The following CELF4 variants were observed in gnomAD, a reference collection of about 807,000 sequenced individuals.
CELF4 encodes CUGBP Elav-like family member 4.
In CELF4, 18 loss-of-function variants were observed where a neutral mutation model predicts 59.9. The observed-to-expected ratio is 0.30, with a 90% CI of 0.21 to 0.45. The LOEUF is 0.45. Among genes scored for constraint, CELF4 ranks in the 20% least tolerant of loss-of-function variants. The pLI, the probability that CELF4 is intolerant of heterozygous loss-of-function variation, is 1.00. For synonymous variants in CELF4, 261 were observed against 267.1 expected (o/e 0.98, Z 0.22); for missense variants, 456 against 689.0 (o/e 0.66, Z 3.79).
chr18:37,549,759 T>A (rs1157498507), intron 1 of CELF4, among the ~76,000 whole-genome samples: 1 of 152,222 alleles, frequency 6.6e-6, no homozygotes. Flanking sequence ...TATGATACAG[T>A]GCACAAGATG....
In CELF4 at chr18:37,379,328, T is replaced by C. The variant is rs1371386843; in HGVS notation, c.370-57447A>G. ...TGCTAGTGTGGAAGCTCAGGTGGGC[T>C]GCCATCCTAAAAGGGATTGGGAGTA... On this transcript the variant is annotated intron_variant, in intron 2 of 12. Coordinates refer to ENST00000420428, the MANE Select transcript of CELF4 (RefSeq NM_020180.4). 2.6e-5 allele frequency among the ~76,000 whole-genome samples: 4 copies of C among 152,054 alleles called. No homozygotes were observed. The East Asian group carries it at 7.8e-4, about 30-fold the overall frequency.
chr18:37,324,736 A>G (rs1436483314), intron 2 of CELF4, among the ~76,000 whole-genome samples: 1 of 152,160 alleles, frequency 6.6e-6, no homozygotes, highest in Non-Finnish European at 1.5e-5. Flanking sequence ...GGCCTCCCCA[A>G]GGATCCATAA....
intron 3 of CELF4, among the ~76,000 whole-genome samples, chr18:37,303,880 T>C (rs1472769247): frequency 6.6e-6 from 1 of 152,176 alleles, no homozygotes; most frequent in African/African-American, 2.4e-5. Flanking sequence ...GTGGCCCTCC[T>C]GGCCGTAGGC....
intron 2 of CELF4, among the ~76,000 whole-genome samples, chr18:37,443,856 C>T (rs561274200): frequency 4.6e-5 from 7 of 152,264 alleles, no homozygotes; most frequent in East Asian, 1.9e-4. Context: ...CTCTGCCCAG[C>T]GAGATGTCAA....
chr18:37,489,750 C>A (rs1292709800), intron 1 of CELF4, among the ~76,000 whole-genome samples: 1 of 152,212 alleles, frequency 6.6e-6, no homozygotes, highest in African/African-American at 2.4e-5. Context: ...ACGGGATTCT[C>A]TCAAGGAGCA....
At chr18:37,370,681 G>C (rs1351945170) in intron 2 of CELF4, among the ~76,000 whole-genome samples, 4 of 152,008 alleles carry the variant, frequency 2.6e-5, no homozygotes, top group Non-Finnish European at 4.4e-5. Context: ...TTGTCTTTTC[G>C]AGCCCCAGAA....
At chr18:37,343,812 A>G (rs578049543) in intron 2 of CELF4, among the ~76,000 whole-genome samples, 186 of 152,212 alleles carry the variant, frequency 1.2e-3, no homozygotes, top group African/African-American at 4.1e-3. Flanking sequence ...GTGCTGCAGC[A>G]GACCCCATCC....
intron 1 of CELF4, among the ~76,000 whole-genome samples, chr18:37,511,592 A>T (rs967376921): frequency 6.6e-6 from 1 of 151,678 alleles, no homozygotes; most frequent in African/African-American, 2.4e-5. Flanking sequence ...CCCAGATGTG[A>T]ATCTCCTCCT....
chr18:37,262,905 G>A (rs144844466), intron 10 of CELF4, among the ~76,000 whole-genome samples: 351 of 152,284 alleles, frequency 2.3e-3, no homozygotes, highest in Middle Eastern at 3.4e-3. Flanking sequence ...CGTGAGGCAG[G>A]GTATGGGCTG....
intron 2 of CELF4, among the ~76,000 whole-genome samples, chr18:37,481,184 T>C (rs2099866058): frequency 6.6e-6 from 1 of 152,040 alleles, no homozygotes; most frequent in Non-Finnish European, 1.5e-5. Flanking sequence ...TCTAGGATTG[T>C]TGGAATGAGG....
chr18:37,309,272 G>C (rs556228423), intron 3 of CELF4, among the ~76,000 whole-genome samples: 1 of 152,318 alleles, frequency 6.6e-6, no homozygotes, highest in East Asian at 1.9e-4. Context: ...AGGTGCAAAG[G>C]CTGATTACTA....
At chr18:37,329,323 T>G (rs2097446378) in intron 2 of CELF4, among the ~76,000 whole-genome samples, 1 of 152,218 alleles carries the variant, frequency 6.6e-6, no homozygotes, top group Non-Finnish European at 1.5e-5. Context: ...GCCTGAGGAC[T>G]GCCGGGGTCC....
At chr18:37,538,529 C>T (rs1488565086) in intron 1 of CELF4, among the ~76,000 whole-genome samples, 1 of 152,194 alleles carries the variant, frequency 6.6e-6, no homozygotes, top group Non-Finnish European at 1.5e-5. Flanking sequence ...ACCCACAACG[C>T]TGTCTTTACC....
intron 3 of CELF4, among the ~76,000 whole-genome samples, chr18:37,282,706 GAC>G (rs1225552251): frequency 6.6e-6 from 1 of 152,166 alleles, no homozygotes; most frequent in East Asian, 1.9e-4. Flanking sequence ...GGTCGGCGCA[GAC>G]AGTTTCCAGC....
intron 10 of CELF4, among the ~76,000 whole-genome samples, chr18:37,261,233 C>T (rs1269528483): frequency 2.0e-5 from 3 of 150,226 alleles, no homozygotes; most frequent in Non-Finnish European, 4.4e-5. Flanking sequence ...GCCCAGCCCC[C>T]TCCAGCCCCC....
chr18:37,425,202 C>A (rs1171578897), intron 2 of CELF4, among the ~76,000 whole-genome samples: 1 of 152,238 alleles, frequency 6.6e-6, no homozygotes, highest in East Asian at 1.9e-4. Context: ...GGTGCTCGGC[C>A]ATGACTGGAC....
At chr18:37,384,240 T>C (rs1246499990) in intron 2 of CELF4, among the ~76,000 whole-genome samples, 1 of 152,208 alleles carries the variant, frequency 6.6e-6, no homozygotes, top group Non-Finnish European at 1.5e-5. Context: ...ACTCTGTCCT[T>C]CCTGAGCTGC....
chr18:37,448,731 A>G (rs2099755062), intron 2 of CELF4, among the ~76,000 whole-genome samples: 1 of 152,180 alleles, frequency 6.6e-6, no homozygotes, highest in Non-Finnish European at 1.5e-5. Context: ...CGAGTGCCCC[A>G]TCTCCAGACT....
At chr18:37,379,246 G>C (rs1173514397) in intron 2 of CELF4, among the ~76,000 whole-genome samples, 2 of 152,188 alleles carry the variant, frequency 1.3e-5, no homozygotes, top group Non-Finnish European at 2.9e-5. Context: ...CCCTAAGGCA[G>C]AGGCTGTCTT....
Sources: gnomAD v4.1 joint callset for allele counts (sites outside exome capture counted in the v4.1 genomes callset) on GRCh38, gnomAD v4.1.1 for gene constraint, MANE v1.5 for transcripts, NCBI Gene and HGNC (gene_info 2026-07-23, HGNC 2026-07-21) for gene names.